Variants in CCDC171 observed in about 807,000 individuals in gnomAD.
The protein encoded by CCDC171 is coiled-coil domain-containing protein 171.
In CCDC171, 177 loss-of-function variants were observed where a neutral mutation model predicts 168.2. The observed-to-expected ratio is 1.05, with a 90% CI of 0.93 to 1.19. The LOEUF is 1.19. CCDC171 is among the 50% of genes most tolerant of loss of function. The pLI is 0.00. For missense variants in CCDC171, 1,991 were observed against 1,539.0 expected (o/e 1.29, Z -4.91); for synonymous variants, 687 against 540.8 (o/e 1.27, Z -3.75).
intron 25 of CCDC171, among the ~76,000 whole-genome samples, chr9:15,941,184 T>C (rs1827684799): frequency 6.6e-6 from 1 of 152,046 alleles, no homozygotes; most frequent in Admixed American, 6.6e-5. Context: ...TGTTTCAGTT[T>C]CTATTTTTTA....
chr9:16,065,121 C>T (rs1000350624), downstream of CCDC171, among the ~76,000 whole-genome samples: 10 of 152,212 alleles, frequency 6.6e-5, no homozygotes, highest in Non-Finnish European at 1.0e-4. Context: ...GGTCCGCCTG[C>T]GAGCAAAGCA....
chr9:15,603,022 C>T (rs534586249), intron 6 of CCDC171, among the ~76,000 whole-genome samples: 18 of 151,990 alleles, frequency 1.2e-4, no homozygotes, highest in Non-Finnish European at 1.5e-4. Context: ...CACTCTGTCA[C>T]CCAGATTGGA....
rs577222939 is a variant in CCDC171, at chr9:15,555,981, G to A, written c.-112+2679G>A. Among the ~76,000 whole-genome samples the A allele has an allele frequency of 8.5e-5, 13 of 152,212 alleles. No homozygotes were observed. The South Asian group carries it at 2.7e-3, about 32-fold the overall frequency. On this transcript the variant is annotated intron_variant, in intron 1 of 25. Coordinates refer to ENST00000380701, the MANE Select transcript of CCDC171 (RefSeq NM_173550.4). Reference sequence around the variant, plus strand: ...ATTTTGCTCAGAATGATGGTTTCTAGCTTTATCCATCTCCCTACAAAGGAC... The same window carrying A: ...ATTTTGCTCAGAATGATGGTTTCTAACTTTATCCATCTCCCTACAAAGGAC...
At chr9:16,097,337 T>C in the CCDC171 span, among the ~76,000 whole-genome samples, 1 of 152,210 alleles carries the variant, frequency 6.6e-6, no homozygotes, top group Non-Finnish European at 1.5e-5. Flanking sequence ...TTGTATATGC[T>C]AGTGTCTAAG....
intron 6 of CCDC171, among the ~76,000 whole-genome samples, chr9:16,027,479 A>G (rs1446173368): frequency 6.6e-6 from 1 of 152,216 alleles, no homozygotes. Context: ...AATATTTTAT[A>G]TTCACCTGAT....
At chr9:15,729,285 G>A (rs1169215712) in intron 15 of CCDC171, among the ~76,000 whole-genome samples, 2 of 151,954 alleles carry the variant, frequency 1.3e-5, no homozygotes, top group African/African-American at 4.8e-5. Flanking sequence ...TGAGATATTT[G>A]AATAGCTTGA....
intron 3 of CCDC171, among the ~76,000 whole-genome samples, chr9:15,992,937 A>G (rs904028671): frequency 3.3e-5 from 5 of 152,216 alleles, no homozygotes; most frequent in African/African-American, 1.2e-4. Flanking sequence ...GCTCAACAAA[A>G]TAAAAGAGGA....
At chr9:15,596,181 GC>G (rs1214571427) in intron 6 of CCDC171, among the ~76,000 whole-genome samples, 4 of 152,108 alleles carry the variant, frequency 2.6e-5, no homozygotes, top group African/African-American at 9.7e-5. Flanking sequence ...GGCTTTTGTT[GC>G]CATTGGTTTT....
intron 16 of CCDC171, among the ~76,000 whole-genome samples, chr9:15,731,056 T>A (rs996581286): frequency 2.6e-5 from 4 of 152,140 alleles, no homozygotes. Context: ...GCATTTATCA[T>A]TTCTTTGTGT....
At chr9:15,677,736 A>T (rs1214849052) in intron 9 of CCDC171, among the ~76,000 whole-genome samples, 1 of 148,168 alleles carries the variant, frequency 6.7e-6, no homozygotes, top group Admixed American at 6.8e-5. Context: ...TTTCTCCCAT[A>T]TATATGTGGT....
intron 21 of CCDC171, among the ~76,000 whole-genome samples, chr9:15,810,311 G>A (rs559823846): frequency 3.3e-5 from 5 of 152,208 alleles, no homozygotes; most frequent in East Asian, 1.9e-4. Context: ...GTCCCCACCC[G>A]ACTCAGGAGC....
At chr9:16,086,461 C>A in the CCDC171 span, among the ~76,000 whole-genome samples, 2 of 151,930 alleles carry the variant, frequency 1.3e-5, no homozygotes, top group Non-Finnish European at 2.9e-5. Flanking sequence ...GTGTGCACCA[C>A]CACACCTGGC....
chr9:16,079,213 C>T, the CCDC171 span, among the ~76,000 whole-genome samples: 1 of 152,168 alleles, frequency 6.6e-6, no homozygotes, highest in African/African-American at 2.4e-5. Context: ...GATCCACGGG[C>T]CATCTGACTC....
intron 18 of CCDC171, among the ~76,000 whole-genome samples, chr9:15,774,695 G>A (rs374675515): frequency 6.6e-5 from 10 of 152,320 alleles, no homozygotes; most frequent in African/African-American, 1.9e-4. Context: ...GCAAAAGTGC[G>A]GAACCAGCTC....
intron 25 of CCDC171, among the ~76,000 whole-genome samples, chr9:15,941,906 A>G (rs1351195392): frequency 3.3e-5 from 5 of 151,982 alleles, no homozygotes; most frequent in African/African-American, 1.2e-4. Flanking sequence ...TATTTAAAAA[A>G]GCACACATTG....
intron 21 of CCDC171, among the ~76,000 whole-genome samples, chr9:15,832,122 T>G (rs990231629): frequency 3.9e-5 from 6 of 152,194 alleles, no homozygotes; most frequent in African/African-American, 1.4e-4. Flanking sequence ...TTCTTTTTGT[T>G]TTAAAGTCAA....
intron 23 of CCDC171, among the ~76,000 whole-genome samples, chr9:15,855,980 A>C (rs1425134621): frequency 6.6e-6 from 1 of 151,912 alleles, no homozygotes; most frequent in African/African-American, 2.4e-5. Context: ...ACTGACTTTT[A>C]TATTTCCCTA....
chr9:15,994,264 G>T (rs1048053774), intron 3 of CCDC171, among the ~76,000 whole-genome samples: 2 of 152,118 alleles, frequency 1.3e-5, no homozygotes, highest in South Asian at 2.1e-4. Flanking sequence ...CCATAAAAAA[G>T]GATGAGTTCA....
intron 23 of CCDC171, among the ~76,000 whole-genome samples, chr9:15,858,505 G>C (rs1403255133): frequency 6.6e-6 from 1 of 151,996 alleles, no homozygotes; most frequent in Admixed American, 6.6e-5. Flanking sequence ...AATCACTTTG[G>C]GTAGTATGAA....
Sources: allele counts gnomAD v4.1 joint callset (sites outside exome capture counted in the v4.1 genomes callset), GRCh38; gene constraint gnomAD v4.1.1; transcripts MANE v1.5; gene names NCBI Gene and HGNC (gene_info 2026-07-23, HGNC 2026-07-21).